Variants in SLCO3A1 observed in about 807,000 individuals in gnomAD.
The protein encoded by SLCO3A1 is solute carrier organic anion transporter family member 3A1.
Under a neutral mutation model 63.1 loss-of-function variants are expected in SLCO3A1, and 27 were observed. The observed-to-expected ratio is 0.43, with a 90% confidence interval of 0.32 to 0.59. The LOEUF is 0.59. SLCO3A1 is among the 20% of genes least tolerant of loss of function. SLCO3A1 has a pLI of 0.09. For missense variants in SLCO3A1, 773 were observed against 945.8 expected (o/e 0.82, Z 2.40); for synonymous variants, 473 against 409.9 (o/e 1.15, Z -1.86).
chr15:92,141,035 CCT>C (rs1180292150), intron 7 of SLCO3A1, among the ~76,000 whole-genome samples: 2 of 152,154 alleles, frequency 1.3e-5, no homozygotes, highest in African/African-American at 2.4e-5. Context: ...GCCTGTTCCC[CCT>C]GTCCTCCGGG....
chr15:91,940,255 C>T (rs909790204), intron 2 of SLCO3A1, among the ~76,000 whole-genome samples: 5 of 152,118 alleles, frequency 3.3e-5, no homozygotes, highest in African/African-American at 7.2e-5. Flanking sequence ...GTGCCTTCCT[C>T]GGGGTCCTGA....
At chr15:92,155,206 T>G (rs900764730) in intron 9 of SLCO3A1, 1 of 152,126 alleles carries the variant, frequency 6.6e-6, no homozygotes, top group African/African-American at 2.4e-5. Context: ...TCTTGGCTAC[T>G]CCTTTTCTCT....
chr15:91,997,797 G>A (rs1224572444), intron 2 of SLCO3A1, among the ~76,000 whole-genome samples: 2 of 152,152 alleles, frequency 1.3e-5, no homozygotes, highest in African/African-American at 4.8e-5. Flanking sequence ...TGAGATAGCT[G>A]ATGAGCCATA....
chr15:92,094,184 G>A (rs908130058), intron 2 of SLCO3A1, among the ~76,000 whole-genome samples: 2 of 152,146 alleles, frequency 1.3e-5, no homozygotes, highest in Admixed American at 1.3e-4. Flanking sequence ...AGATACTTAA[G>A]CACTGCCCAG....
At chr15:91,905,631 T>G (rs4932588) in intron 1 of SLCO3A1, among the ~76,000 whole-genome samples, 54,869 of 115,660 alleles carry the variant, frequency 0.47, 10,470 homozygotes, top group East Asian at 0.67. Flanking sequence ...GCTTAGTTTT[T>G]TGTTTTTTTT....
At chr15:92,146,402 C>T (rs776800466) in intron 7 of SLCO3A1, among the ~76,000 whole-genome samples, 6 of 152,228 alleles carry the variant, frequency 3.9e-5, no homozygotes, top group Non-Finnish European at 8.8e-5. Context: ...CTCCAAGCTC[C>T]TGCATCTCTT....
chr15:92,027,997 C>A (rs930335000), intron 2 of SLCO3A1, among the ~76,000 whole-genome samples: 2 of 152,232 alleles, frequency 1.3e-5, no homozygotes, highest in African/African-American at 4.8e-5. Flanking sequence ...TCGGCTCAAT[C>A]TGCACAAACC....
intron 2 of SLCO3A1, among the ~76,000 whole-genome samples, chr15:92,083,873 G>T (rs367679668): frequency 2.0e-5 from 3 of 152,278 alleles, no homozygotes; most frequent in East Asian, 3.9e-4. Context: ...TGCGAGGTGG[G>T]TACTGTTAAC....
intron 3 of SLCO3A1, among the ~76,000 whole-genome samples, chr15:92,099,555 G>T (rs1437229506): frequency 6.6e-6 from 1 of 152,104 alleles, no homozygotes; most frequent in Non-Finnish European, 1.5e-5. Flanking sequence ...CGTGTGGGTG[G>T]GTTGGTTGGT....
intron 2 of SLCO3A1, among the ~76,000 whole-genome samples, chr15:91,989,188 TCTTG>T (rs1254620215): frequency 1.3e-5 from 2 of 152,212 alleles, no homozygotes; most frequent in Non-Finnish European, 2.9e-5. Flanking sequence ...AAATGTGTGT[TCTTG>T]CTTAGGACCC....
At chr15:91,857,065 T>A (rs912675275) in intron 1 of SLCO3A1, among the ~76,000 whole-genome samples, 7 of 137,780 alleles carry the variant, frequency 5.1e-5, no homozygotes, top group African/African-American at 2.2e-4. Context: ...TGTGTGTGTG[T>A]GTGTGAGAGA....
At chr15:92,151,437 C>T (rs1009685452) in intron 9 of SLCO3A1, among the ~76,000 whole-genome samples, 1 of 152,138 alleles carries the variant, frequency 6.6e-6, no homozygotes, top group Non-Finnish European at 1.5e-5. Context: ...TTAAATTTTT[C>T]CAAACTGACT....
At chr15:91,975,986 G>A (rs1440511130) in intron 2 of SLCO3A1, among the ~76,000 whole-genome samples, 1 of 152,214 alleles carries the variant, frequency 6.6e-6, no homozygotes, top group Non-Finnish European at 1.5e-5. Context: ...CACCTCACTT[G>A]ATTATTGGGT....
At chr15:92,151,186 A>ACACTGCCTCGATAT (rs2048300716) in intron 9 of SLCO3A1, 172 bp downstream of exon 9, 3 of 572,344 alleles carry the variant, frequency 5.2e-6, no homozygotes, top group Non-Finnish European at 9.2e-6. Flanking sequence ...ATAAACTCAG[A>ACACTGCCTCGATAT]CACTGCCTCG....
intron 9 of SLCO3A1, among the ~76,000 whole-genome samples, chr15:92,158,179 A>T (rs1431196730): frequency 6.6e-6 from 1 of 152,208 alleles, no homozygotes; most frequent in African/African-American, 2.4e-5. Context: ...GCAACCCCAG[A>T]GAAGGAAGGG....
intron 2 of SLCO3A1, among the ~76,000 whole-genome samples, chr15:91,935,199 G>T (rs574738548): frequency 7.2e-5 from 11 of 152,238 alleles, no homozygotes; most frequent in Admixed American, 1.3e-4. Context: ...TGATCTGCCC[G>T]CCTCGGCCTC....
At chr15:92,027,397 T>G (rs1597235282) in intron 2 of SLCO3A1, among the ~76,000 whole-genome samples, 1 of 152,204 alleles carries the variant, frequency 6.6e-6, no homozygotes, top group Non-Finnish European at 1.5e-5. Flanking sequence ...AATCTCAAAT[T>G]CACCATTTGA....
At chr15:91,995,642 G>C (rs558738119) in intron 2 of SLCO3A1, among the ~76,000 whole-genome samples, 1 of 149,100 alleles carries the variant, frequency 6.7e-6, no homozygotes, top group African/African-American at 2.5e-5. Context: ...CTCAGACCTA[G>C]TTTGGCTGTG....
intron 2 of SLCO3A1, among the ~76,000 whole-genome samples, chr15:91,965,575 C>G (rs1380723647): frequency 6.6e-6 from 1 of 152,176 alleles, no homozygotes; most frequent in East Asian, 1.9e-4. Flanking sequence ...ATGTTGCCTG[C>G]TCATCCTTCC....
Sources: allele counts gnomAD v4.1 joint callset (sites outside exome capture counted in the v4.1 genomes callset), GRCh38; gene constraint gnomAD v4.1.1; transcripts MANE v1.5; gene names NCBI Gene and HGNC (gene_info 2026-07-23, HGNC 2026-07-21).